The following PRPSAP1 variants were observed in gnomAD, a reference collection of about 807,000 sequenced individuals.
PRPSAP1 encodes phosphoribosyl pyrophosphate synthetase associated protein 1.
PRPSAP1 carries 31 observed loss-of-function variants against 39.4 expected under a neutral mutation model. That is an observed-to-expected ratio of 0.79 (90% CI 0.59 to 1.06). The LOEUF (loss-of-function observed/expected upper bound fraction) is 1.06, where lower values mean the gene tolerates loss of function less well. Ranked by LOEUF, PRPSAP1 falls within the 50% of genes least tolerant of loss-of-function variation. PRPSAP1 has a pLI of 0.00. For missense variants in PRPSAP1, 430 were observed against 511.6 expected, an observed-to-expected ratio of 0.84 and a Z score of 1.54; for synonymous variants, 212 against 192.6, an observed-to-expected ratio of 1.10 and a Z score of -0.83.
chr17:76,322,395 C>CA (rs1367556696), intron 7 of PRPSAP1, among the ~76,000 whole-genome samples: 2 of 152,012 alleles, frequency 1.3e-5, no homozygotes, highest in Non-Finnish European at 2.9e-5. Flanking sequence ...GACTCCATCT[C>CA]AAAAAAATAT....
chr17:76,352,644 CAAAAAA>C (rs55986677), intron 1 of PRPSAP1, among the ~76,000 whole-genome samples: 47 of 53,582 alleles, frequency 8.8e-4, no homozygotes, highest in South Asian at 4.9e-3. Flanking sequence ...GACTCCGTCT[CAAAAAA>C]AAAAAAAAAA....
intron 4 of PRPSAP1, 74 bp from the exon 5 acceptor site, chr17:76,330,740 C>T: frequency 3.5e-6 from 3 of 859,998 alleles, no homozygotes; most frequent in African/African-American, 1.7e-5. Context: ...AAACTAGATG[C>T]TCAACTCCTG....
rs1180178429 is a variant in PRPSAP1, at chr17:76,353,820, G to T, written c.-117C>A. On this transcript the variant is annotated 5_prime_UTR_variant, in exon 1 of 10. Transcript: ENST00000446526. ...CGCTGAGAAACTCGGCGCAAGCGGG[G>T]AGAGCTCCGAGGTCCGTGCCCTTGC... 1 of 1,385,926 alleles carries T rather than the reference G, an allele frequency of 7.2e-7. No individual in the cohort carries two copies. Among genetic ancestry groups the T allele is most frequent in the Non-Finnish European group, 9.3e-7 (1 of 1,078,346 alleles). 85.9% of individuals were successfully genotyped at this position (1,385,926 alleles called of 1,614,324 possible). A position where few individuals can be genotyped will look rare whatever the true frequency, so the allele number is the denominator to read the frequency against.
intron 3 of PRPSAP1, 32 bp downstream of exon 3, chr17:76,344,639 C>T (rs1308716711): frequency 2.8e-6 from 4 of 1,446,240 alleles, no homozygotes; most frequent in South Asian, 2.5e-5. Flanking sequence ...AAGGTTTTTA[C>T]AGAAAAGAGA....
intron 7 of PRPSAP1, among the ~76,000 whole-genome samples, chr17:76,315,124 TAG>T (rs1258628592): frequency 6.6e-6 from 1 of 152,144 alleles, no homozygotes; most frequent in Non-Finnish European, 1.5e-5. Context: ...GTGCTTAAAG[TAG>T]AGACTTTTAT....
At chr17:76,349,187 T>G (rs1432606843) in intron 1 of PRPSAP1, among the ~76,000 whole-genome samples, 2 of 151,408 alleles carry the variant, frequency 1.3e-5, no homozygotes, top group African/African-American at 2.4e-5. Context: ...GCCTGTAATC[T>G]CAGCTACTAG....
At chr17:76,324,385 G>A (rs2050258201) in intron 7 of PRPSAP1, among the ~76,000 whole-genome samples, 1 of 151,786 alleles carries the variant, frequency 6.6e-6, no homozygotes, top group Non-Finnish European at 1.5e-5. Context: ...GATCATCTGA[G>A]GTCAGGAGTT....
intron 9 of PRPSAP1, 104 bp from the exon 10 acceptor site, chr17:76,311,804 C>G: frequency 7.6e-7 from 1 of 1,314,072 alleles, no homozygotes; most frequent in Non-Finnish European, 1.0e-6. Flanking sequence ...AGCCTAAGTT[C>G]CAAACTACAA....
chr17:76,351,633 G>A (rs1490771268), intron 1 of PRPSAP1, among the ~76,000 whole-genome samples: 3 of 152,218 alleles, frequency 2.0e-5, no homozygotes, highest in African/African-American at 7.2e-5. Flanking sequence ...GTTGCAGTAA[G>A]CCGAGATGGC....
intron 7 of PRPSAP1, among the ~76,000 whole-genome samples, chr17:76,320,341 G>GAGGA (rs200479404): frequency 9.9e-4 from 68 of 68,466 alleles, no homozygotes; most frequent in African/African-American, 5.7e-3. Flanking sequence ...GGGAGGGAGG[G>GAGGA]AGGAAGGAAG....
rs769721289 is a variant in PRPSAP1, at chr17:76,336,952, T to C, written c.291-4517A>G. Among the ~76,000 whole-genome samples the C allele has an allele frequency of 5.5e-4, 84 of 152,174 alleles. 1 individual carries two copies. The highest frequency in any genetic ancestry group is 3.3e-4 in the Admixed American group (5 of 15,262). On this transcript the variant is annotated intron_variant, in intron 3 of 9. Coordinates refer to ENST00000446526, the MANE Select transcript of PRPSAP1 (RefSeq NM_002766.3). ...GACACCAGGCAGTTACTTTGTGAAC[T>C]AGCAGGGCGAAGGGAAATCGGCTGG...
chr17:76,319,809 T>C lies in PRPSAP1; in HGVS notation c.782-5918A>G, dbSNP rs1291919561. 2.6e-5 allele frequency among the ~76,000 whole-genome samples: 4 copies of C among 152,246 alleles called. No individual in the cohort carries two copies. In the East Asian group the frequency reaches 7.7e-4, roughly 29 times the overall value. Reference sequence around the variant, plus strand: ...TCTCCACTAAAGGTATAAGGGCTCCTTGGAGAAATGGCCAAGTACAGTGCT... The same window carrying C: ...TCTCCACTAAAGGTATAAGGGCTCCCTGGAGAAATGGCCAAGTACAGTGCT... On this transcript the variant is annotated intron_variant, in intron 7 of 9. Transcript: ENST00000446526.
At chr17:76,347,844 A>G (rs1393602114) in intron 2 of PRPSAP1, among the ~76,000 whole-genome samples, 2 of 152,124 alleles carry the variant, frequency 1.3e-5, no homozygotes, top group East Asian at 1.9e-4. Flanking sequence ...AGGGTCAGAT[A>G]TAAGATGTAT....
chr17:76,320,331 G>GGGAA (rs2071179661), intron 7 of PRPSAP1, among the ~76,000 whole-genome samples: 2 of 89,486 alleles, frequency 2.2e-5, no homozygotes, highest in Non-Finnish European at 4.5e-5. Context: ...GAAGAAGGGA[G>GGGAA]GGAGGGAGGG....
chr17:76,314,228 G>T, intron 7 of PRPSAP1: 1 of 275,198 alleles, frequency 3.6e-6, no homozygotes, highest in Non-Finnish European at 7.1e-6. Context: ...ATGTATGTAT[G>T]TATTTTTTGA....
intron 2 of PRPSAP1, among the ~76,000 whole-genome samples, chr17:76,345,001 C>T (rs555310345): frequency 3.3e-5 from 5 of 151,728 alleles, no homozygotes; most frequent in Middle Eastern, 3.4e-3. Flanking sequence ...TTTGGGAGGC[C>T]GAGGTGGGCA....
At position 76,321,242 on chromosome 17, in the gene PRPSAP1, A is replaced by G. The variant is rs568637201; in HGVS notation, c.782-7351T>C. Among the ~76,000 whole-genome samples, 4 of 152,178 alleles carry G rather than the reference A, an allele frequency of 2.6e-5. No individual in the cohort carries two copies. In the East Asian group the frequency reaches 7.7e-4, roughly 29 times the overall value. Reference sequence around the variant, plus strand: ...ACTATTCCAATTGTTTTGGGGCAGCATGAACCATGCTCATATAAGATAGCA... The same window carrying G: ...ACTATTCCAATTGTTTTGGGGCAGCGTGAACCATGCTCATATAAGATAGCA... On this transcript the variant is annotated intron_variant, in intron 7 of 9. Coordinates refer to ENST00000446526, the MANE Select transcript of PRPSAP1 (RefSeq NM_002766.3).
At chr17:76,316,557 C>CA (rs1231467310) in intron 7 of PRPSAP1, among the ~76,000 whole-genome samples, 7 of 152,066 alleles carry the variant, frequency 4.6e-5, no homozygotes, top group Non-Finnish European at 1.5e-5. Flanking sequence ...ATAGCTTACC[C>CA]AAAAAATAAA....
intron 7 of PRPSAP1, among the ~76,000 whole-genome samples, chr17:76,326,093 A>C (rs1329106791): frequency 1.3e-5 from 2 of 152,198 alleles, no homozygotes; most frequent in Non-Finnish European, 2.9e-5. Flanking sequence ...TGCAGAACTG[A>C]ACCTGCAATA....
Sources: gnomAD v4.1 joint callset for allele counts (sites outside exome capture counted in the v4.1 genomes callset) on GRCh38, gnomAD v4.1.1 for gene constraint, MANE v1.5 for transcripts, NCBI Gene and HGNC (gene_info 2026-07-23, HGNC 2026-07-21) for gene names.